The following KNOP1 variants were observed in gnomAD, a reference collection of about 807,000 sequenced individuals.
The protein encoded by KNOP1 is lysine rich nucleolar protein 1, also known as lysine-rich nucleolar protein 1.
KNOP1 carries 20 observed loss-of-function variants against 30.6 expected under a neutral mutation model. The observed-to-expected ratio is 0.65, with a 90% CI of 0.46 to 0.95. The LOEUF (loss-of-function observed/expected upper bound fraction) is 0.95. Ranked by LOEUF, KNOP1 falls within the 40% of genes least tolerant of loss-of-function variation. The pLI is 0.00. For missense variants in KNOP1, 540 were observed against 562.0 expected, an observed-to-expected ratio of 0.96 and a Z score of 0.40; for synonymous variants, 204 against 210.0, an observed-to-expected ratio of 0.97 and a Z score of 0.25.
intron 4 of KNOP1, among the ~76,000 whole-genome samples, chr16:19,709,735 G>C (rs1976610610): frequency 6.6e-6 from 1 of 152,170 alleles, no homozygotes; most frequent in Non-Finnish European, 1.5e-5. Flanking sequence ...TCTGCACCCT[G>C]AACATCTCTG....
chr16:19,714,195 T>C lies in KNOP1; in HGVS notation c.841A>G (p.Ile281Val). 3 of 1,614,188 alleles carry C rather than the reference T, an allele frequency of 1.9e-6. No homozygotes were observed. The highest frequency in any genetic ancestry group is 2.2e-5 in the East Asian group (1 of 44,870). The change falls in exon 2 of 5, where the codon ATC becomes GTC. Residue 281 changes from isoleucine to valine, a missense_variant. By Grantham distance (29) the Ile-to-Val change is conservative. Transcript: ENST00000219837. ...TTCCTTTTCAGAGCTGGCTCCTCGA[T>C]GACTGGCTGCTCTACCTTCTTTTTG... ...KSKKKVEQPV[I>V]EEPALKRKKK...
At position 19,703,805 on chromosome 16, in the gene KNOP1, G is replaced by A. The variant is rs1170585230; in HGVS notation, c.*3105C>T. ...AGGACAAGATTAAGTCCATTCTGAA[G>A]ACACCCAGCATTGTGGTGTCTTGGC... is the stretch of plus-strand genomic sequence containing the variant. On this transcript the variant is annotated 3_prime_UTR_variant, in exon 5 of 5. Transcript: ENST00000219837. The A allele has an allele frequency of 6.6e-6, 1 of 152,188 alleles. No individual in the cohort carries two copies. The highest frequency in any genetic ancestry group is 1.5e-5 in the Non-Finnish European group (1 of 68,048). The allele number at this position is 152,188 out of a possible 1,614,324, so 9.4% of individuals were successfully genotyped here.
intron 1 of KNOP1, 164 bp downstream of exon 1, chr16:19,717,994 T>C: frequency 7.6e-7 from 1 of 1,313,184 alleles, no homozygotes; most frequent in Non-Finnish European, 9.7e-7. Context: ...GGGAAAACTT[T>C]CTGGAGGCGG....
chr16:19,710,344 G>A, intron 4 of KNOP1, 165 bp downstream of exon 4: 1 of 712,074 alleles, frequency 1.4e-6, no homozygotes, highest in Non-Finnish European at 2.5e-6. Context: ...AAGGAAATTA[G>A]CTCAGGACAA....
chr16:19,715,105 C>T, intron 1 of KNOP1, 68 bp from the exon 2 acceptor site: 1 of 1,169,182 alleles, frequency 8.6e-7, no homozygotes, highest in East Asian at 2.5e-5. Flanking sequence ...CTAAGCATTG[C>T]CAAGAGCCAT....
Position 19,705,075 on chromosome 16 carries a change from T to C in KNOP1, c.*1835A>G, listed in dbSNP as rs1013438848. The C allele has an allele frequency of 2.5e-5, 11 of 435,720 alleles. No individual in the cohort carries two copies. Among genetic ancestry groups the C allele is most frequent in the Non-Finnish European group, 4.2e-5 (9 of 215,050 alleles). 27.0% of individuals were successfully genotyped at this position (435,720 alleles called of 1,614,324 possible). A position where few individuals can be genotyped will look rare whatever the true frequency, so the allele number is the denominator to read the frequency against. On this transcript the variant is annotated 3_prime_UTR_variant, in exon 5 of 5. Coordinates refer to ENST00000219837, the MANE Select transcript of KNOP1 (RefSeq NM_001012991.3). ...GCAATGGAGGCTTCTGGAAGTTTCC[T>C]TGAGACACAAAAAGGCTTTTCTTCC...
At chr16:19,709,283 T>C (rs991276261) in intron 4 of KNOP1, among the ~76,000 whole-genome samples, 2 of 152,210 alleles carry the variant, frequency 1.3e-5, no homozygotes, top group Non-Finnish European at 2.9e-5. Context: ...TCGACTGTTC[T>C]TTTCTGAATG....
chr16:19,717,874 G>C, intron 1 of KNOP1: 1 of 1,052,884 alleles, frequency 9.5e-7, no homozygotes. Flanking sequence ...CCAGCAGGAC[G>C]CGCGGGAGCC....
Position 19,706,830 on chromosome 16 carries a change from C to A in KNOP1, c.*80G>T. The A allele has an allele frequency of 6.7e-7, 1 of 1,502,546 alleles. No homozygotes were observed. Among genetic ancestry groups the A allele is most frequent in the Non-Finnish European group, 9.0e-7 (1 of 1,105,126 alleles). The allele number at this position is 1,502,546 out of a possible 1,614,324, so 93.1% of individuals were successfully genotyped here. A position where few individuals can be genotyped will look rare whatever the true frequency, so the allele number is the denominator to read the frequency against. ...TCCTCACCAAGATCTGATTTTTTCA[C>A]AAAAAAAATTTGTAATCTCCAGCAT... On this transcript the variant is annotated 3_prime_UTR_variant, in exon 5 of 5. Coordinates refer to ENST00000219837, the MANE Select transcript of KNOP1 (RefSeq NM_001012991.3).
chr16:19,708,013 A>G (rs533545873), intron 4 of KNOP1, among the ~76,000 whole-genome samples: 6 of 137,584 alleles, frequency 4.4e-5, no homozygotes, highest in East Asian at 2.2e-4. Context: ...CTCACAAGAC[A>G]GCACACCTCC....
chr16:19,703,041 CAT>C lies in KNOP1; in HGVS notation c.*3867_*3868del, dbSNP rs1019651872. 1.6e-4 allele frequency: 20 copies of C among 123,450 alleles called. No individual in the cohort carries two copies. The highest frequency in any genetic ancestry group is 3.8e-3 in the Middle Eastern group (1 of 262). 7.6% of individuals were successfully genotyped at this position (123,450 alleles called of 1,614,324 possible). A position where few individuals can be genotyped will look rare whatever the true frequency, so the allele number is the denominator to read the frequency against. On this transcript the variant is annotated 3_prime_UTR_variant, in exon 5 of 5. Coordinates refer to ENST00000219837, the MANE Select transcript of KNOP1 (RefSeq NM_001012991.3). ...AAAAACAAAACCATGGCAACTTCCA[CAT>C]GAGACTTACTTACATTAGGTCTTCT...
chr16:19,714,771 G>C lies in KNOP1; in HGVS notation c.265C>G (p.Pro89Ala), dbSNP rs146629491. 48 of 1,614,158 alleles carry C rather than the reference G, an allele frequency of 3.0e-5. No homozygotes were observed. The African/African-American group carries it at 5.7e-4, about 19-fold the overall frequency. Reference protein sequence around the residue: ...EEHVEPETTLPARRTEKSPSL... With the variant: ...EEHVEPETTLAARRTEKSPSL... Reference sequence around the variant, plus strand: ...GGTGACTTCTCTGTCCGTCTAGCAGGCAGCGTGGTCTCAGGTTCTACATGC... The same window carrying C: ...GGTGACTTCTCTGTCCGTCTAGCAGCCAGCGTGGTCTCAGGTTCTACATGC... The change falls in exon 2 of 5, where the codon CCT (proline) becomes GCT (alanine). Residue 89 changes from proline (P) to alanine (A), a missense_variant. Transcript: ENST00000219837.
Position 19,705,183 on chromosome 16 carries a change from A to G in KNOP1, c.*1727T>C, listed in dbSNP as rs739565. ...CTAGCCTTGATGAAGCCAACACTGGAGATGATGGAGAGAATGCTTCCTTGG... is the reference window on the plus strand; with the variant it reads ...CTAGCCTTGATGAAGCCAACACTGGGGATGATGGAGAGAATGCTTCCTTGG... On this transcript the variant is annotated 3_prime_UTR_variant, in exon 5 of 5. Coordinates refer to ENST00000219837, the MANE Select transcript of KNOP1 (RefSeq NM_001012991.3). 310,930 of 455,858 alleles carry G rather than the reference A, an allele frequency of 0.68. 109,141 individuals are homozygous for G. Among genetic ancestry groups the G allele is most frequent in the African/African-American group, 0.93 (46,636 of 50,164 alleles). 28.2% of individuals were successfully genotyped at this position (455,858 alleles called of 1,614,324 possible).
chr16:19,702,514 G>A lies in KNOP1; in HGVS notation c.*4396C>T, dbSNP rs905567345. On this transcript the variant is annotated 3_prime_UTR_variant, in exon 5 of 5. Coordinates refer to ENST00000219837, the MANE Select transcript of KNOP1 (RefSeq NM_001012991.3). The stretch of plus-strand genomic sequence containing the variant: ...AGGTCGGGCACCCATTATATCAAAG[G>A]TGCTTCTGAATCCTGTCATGTGGCC... The A allele has an allele frequency of 6.6e-6, 1 of 152,112 alleles. No homozygotes were observed. Among genetic ancestry groups the A allele is most frequent in the Non-Finnish European group, 1.5e-5 (1 of 68,042 alleles). The allele number at this position is 152,112 out of a possible 1,614,324, so 9.4% of individuals were successfully genotyped here.
At chr16:19,713,455 C>T (rs1976822433) in intron 2 of KNOP1, among the ~76,000 whole-genome samples, 8 of 152,132 alleles carry the variant, frequency 5.3e-5, no homozygotes, top group Admixed American at 5.2e-4. Context: ...CGATAGTGGC[C>T]CTGAGACTTC....
chr16:19,717,277 G>A (rs1977186235), intron 1 of KNOP1: 1 of 979,430 alleles, frequency 1.0e-6, no homozygotes, highest in Non-Finnish European at 1.2e-6. Flanking sequence ...GGATAATGGG[G>A]GAGGGGGACT....
At chr16:19,709,772 C>T (rs537872859) in intron 4 of KNOP1, among the ~76,000 whole-genome samples, 137 of 152,330 alleles carry the variant, frequency 9.0e-4, no homozygotes, top group African/African-American at 3.0e-3. Context: ...TCCCAGCCCT[C>T]GCCCATCTGT....
rs1002565243 is a variant in KNOP1, at chr16:19,702,539, C to G, written c.*4371G>C. The G allele has an allele frequency of 1.3e-5, 2 of 152,074 alleles. No homozygotes were observed. The highest frequency in any genetic ancestry group is 6.6e-5 in the Admixed American group (1 of 15,256). The allele number at this position is 152,074 out of a possible 1,614,324, so 9.4% of individuals were successfully genotyped here. A position where few individuals can be genotyped will look rare whatever the true frequency, so the allele number is the denominator to read the frequency against. ...GTGCTTCTGAATCCTGTCATGTGGC[C>G]CAGGCAGAGGCTTAGATTTTATATG... On this transcript the variant is annotated 3_prime_UTR_variant, in exon 5 of 5. Transcript: ENST00000219837.
At chr16:19,714,028 T>A in intron 2 of KNOP1, 90 bp downstream of exon 2, 4 of 1,129,134 alleles carry the variant, frequency 3.5e-6, no homozygotes, top group Non-Finnish European at 5.1e-6. Flanking sequence ...TACTCGTGCA[T>A]GTACAAACAT....
Sources: allele counts gnomAD v4.1 joint callset (sites outside exome capture counted in the v4.1 genomes callset), GRCh38; gene constraint gnomAD v4.1.1; transcripts MANE v1.5; gene names NCBI Gene and HGNC (gene_info 2026-07-23, HGNC 2026-07-21).